MAOB: variants seen among roughly 807,000 people sequenced by gnomAD.
MAOB encodes amine oxidase [flavin-containing] B.
A neutral mutation model predicts 41.9 loss-of-function variants in MAOB; 15 were observed. The observed-to-expected ratio is 0.36, with a 90% CI of 0.24 to 0.55. The LOEUF is 0.55. Among genes scored for constraint, MAOB ranks in the 20% least tolerant of loss-of-function variants. The pLI, the probability that MAOB is intolerant of heterozygous loss-of-function variation, is 0.86. For missense variants in MAOB, 345 were observed against 398.7 expected, an observed-to-expected ratio of 0.87 and a Z score of 1.15; for synonymous variants, 167 against 144.2, an observed-to-expected ratio of 1.16 and a Z score of -1.13.
At chrX:43,876,046 C>A in intron 1 of MAOB, among the ~76,000 whole-genome samples, 1 of 111,546 alleles carries the variant, frequency 9.0e-6, no homozygotes, top group East Asian at 2.8e-4. Context: ...GTAACCTCTG[C>A]CTCCCAGGTT....
intron 8 of MAOB, among the ~76,000 whole-genome samples, chrX:43,785,105 G>A (rs1038060746): frequency 8.8e-5 from 10 of 113,089 alleles, no homozygotes; most frequent in Non-Finnish European, 1.3e-4. Flanking sequence ...CCGAGATCGC[G>A]CCACTGCGCT....
intron 3 of MAOB, among the ~76,000 whole-genome samples, chrX:43,812,941 G>A (rs922488640): frequency 3.6e-5 from 4 of 112,002 alleles, no homozygotes; most frequent in African/African-American, 1.3e-4. Context: ...ATAATAAGAA[G>A]CAATAATGAC....
intron 14 of MAOB, among the ~76,000 whole-genome samples, chrX:43,768,075 C>T (rs1248155944): frequency 8.9e-6 from 1 of 111,820 alleles, no homozygotes; most frequent in Non-Finnish European, 1.9e-5. Flanking sequence ...AGTGGCAGGC[C>T]TATTCTCTTT....
Position 43,767,385 on chromosome X carries a change from G to GAATTTAAT in MAOB, c.*80_*81insATTAAATT. ...CTCACTCCACACTATTTGTCTTCATGGAACTTTACTGCAACTCTTTCCCCA... is the reference window on the plus strand; with the variant it reads ...CTCACTCCACACTATTTGTCTTCATGAATTTAATGAACTTTACTGCAACTCTTTCCCCA... On this transcript the variant is annotated 3_prime_UTR_variant, in exon 15 of 15. Transcript: ENST00000378069. The GAATTTAAT allele has an allele frequency of 9.9e-7, 1 of 1,005,137 alleles. No homozygotes were observed. The highest frequency in any genetic ancestry group is 2.7e-5 in the Admixed American group (1 of 36,966). The allele number at this position is 1,005,137 out of a possible 1,213,427, so 82.8% of individuals were successfully genotyped here.
chrX:43,800,960 T>A (rs1170062898), intron 5 of MAOB, among the ~76,000 whole-genome samples: 2 of 110,803 alleles, frequency 1.8e-5, no homozygotes, highest in Non-Finnish European at 3.8e-5. Context: ...ACACGATTTT[T>A]TAAAACCCTC....
At chrX:43,800,680 C>T (rs1297955564) in intron 5 of MAOB, among the ~76,000 whole-genome samples, 2 of 111,166 alleles carry the variant, frequency 1.8e-5, no homozygotes, top group African/African-American at 6.5e-5. Context: ...AAATACATTA[C>T]GTATTCATTT....
chrX:43,860,575 T>G (rs2035325308), intron 1 of MAOB, among the ~76,000 whole-genome samples: 1 of 111,898 alleles, frequency 8.9e-6, no homozygotes, highest in African/African-American at 3.2e-5. Context: ...TCGTCTTTTT[T>G]GGGGACTACT....
chrX:43,795,457 A>T (rs1015669425), intron 7 of MAOB, among the ~76,000 whole-genome samples: 1 of 110,960 alleles, frequency 9.0e-6, no homozygotes, highest in Non-Finnish European at 1.9e-5. Flanking sequence ...TTCCTTATGT[A>T]GGCACAATTG....
chrX:43,768,064 G>C (rs972125706), intron 14 of MAOB, among the ~76,000 whole-genome samples: 2 of 111,685 alleles, frequency 1.8e-5, no homozygotes, highest in Non-Finnish European at 3.8e-5. Flanking sequence ...AATGACTGTG[G>C]AGTGGCAGGC....
At chrX:43,806,855 A>T (rs908927482) in intron 3 of MAOB, among the ~76,000 whole-genome samples, 7 of 111,749 alleles carry the variant, frequency 6.3e-5, no homozygotes, top group Non-Finnish European at 1.1e-4. Context: ...TGCTCAAATT[A>T]TTCTACTTCT....
intron 6 of MAOB, among the ~76,000 whole-genome samples, 191 bp downstream of exon 6, chrX:43,796,934 T>A (rs180936345): frequency 8.9e-6 from 1 of 111,905 alleles, no homozygotes; most frequent in Admixed American, 9.5e-5. Flanking sequence ...TAAAATTACA[T>A]TGGACACTGG....
intron 3 of MAOB, among the ~76,000 whole-genome samples, chrX:43,812,547 G>A (rs2034761431): frequency 8.9e-6 from 1 of 112,438 alleles, no homozygotes. Context: ...TTTAACTGGG[G>A]TGAGATGCTA....
At chrX:43,847,329 A>G (rs773810099) in intron 1 of MAOB, among the ~76,000 whole-genome samples, 2 of 111,375 alleles carry the variant, frequency 1.8e-5, no homozygotes, top group African/African-American at 6.5e-5. Context: ...TGGGTGACAG[A>G]GTGAGACTCT....
At chrX:43,802,531 A>G (rs2034607433) in intron 4 of MAOB, among the ~76,000 whole-genome samples, 1 of 112,151 alleles carries the variant, frequency 8.9e-6, no homozygotes, top group African/African-American at 3.2e-5. Flanking sequence ...AAATAGAGGC[A>G]TGTTGTAACT....
At chrX:43,821,036 T>A (rs2034873433) in intron 3 of MAOB, among the ~76,000 whole-genome samples, 1 of 111,802 alleles carries the variant, frequency 8.9e-6, no homozygotes, top group African/African-American at 3.3e-5. Context: ...TTAAATGAGA[T>A]CATATATGCA....
intron 10 of MAOB, among the ~76,000 whole-genome samples, chrX:43,779,636 C>T (rs1427849432): frequency 8.9e-6 from 1 of 111,906 alleles, no homozygotes. Context: ...TCAGACAAAA[C>T]ATCCTACCTT....
intron 10 of MAOB, 78 bp from the exon 11 acceptor site, chrX:43,778,817 C>T (rs2034293324): frequency 1.3e-6 from 1 of 759,983 alleles, no homozygotes. Context: ...GGCATTTATC[C>T]CCTCATAAAA....
chrX:43,847,524 G>C (rs1212921002), intron 1 of MAOB, among the ~76,000 whole-genome samples: 1 of 111,056 alleles, frequency 9.0e-6, no homozygotes, highest in Non-Finnish European at 1.9e-5. Context: ...GACATTCAGT[G>C]ACTTAACTGT....
chrX:43,871,592 G>A (rs780979471), intron 1 of MAOB, among the ~76,000 whole-genome samples: 2 of 102,520 alleles, frequency 2.0e-5, no homozygotes, highest in East Asian at 6.3e-4. Flanking sequence ...GTGTACCCCT[G>A]AAAGATGGGC....
Sources: gnomAD v4.1 joint callset for allele counts (sites outside exome capture counted in the v4.1 genomes callset) on GRCh38, gnomAD v4.1.1 for gene constraint, MANE v1.5 for transcripts, NCBI Gene and HGNC (gene_info 2026-07-23, HGNC 2026-07-21) for gene names.